Variants in GABRR1 observed in about 807,000 individuals in gnomAD.
The protein encoded by GABRR1 is gamma-aminobutyric acid type A receptor subunit rho1.
Under a neutral mutation model 55.5 loss-of-function variants are expected in GABRR1, and 59 were observed. The observed-to-expected ratio is 1.06, with a 90% CI of 0.86 to 1.32. GABRR1 has a LOEUF of 1.32. GABRR1 is among the 40% of genes most tolerant of loss of function. The pLI is 0.00. For synonymous variants in GABRR1, 213 were observed against 226.0 expected (o/e 0.94, Z 0.51); for missense variants, 602 against 619.1 (o/e 0.97, Z 0.29).
intron 6 of GABRR1, among the ~76,000 whole-genome samples, chr6:89,187,772 T>G (rs915287369): frequency 2.0e-5 from 3 of 152,260 alleles, no homozygotes; most frequent in Non-Finnish European, 2.9e-5. Context: ...CCCTCAAGTT[T>G]CATTCATGCT....
upstream of GABRR1, chr6:89,221,412 A>G (rs915728569): frequency 3.3e-5 from 5 of 152,204 alleles, no homozygotes; most frequent in Admixed American, 1.3e-4. Context: ...TGGGTTTTAC[A>G]TCTGTAGATT....
intron 1 of GABRR1, among the ~76,000 whole-genome samples, chr6:89,230,797 C>T (rs945062194): frequency 3.8e-4 from 58 of 151,846 alleles, no homozygotes; most frequent in Non-Finnish European, 7.4e-4. Flanking sequence ...CCACCCAGTT[C>T]GAGCTTCCCA....
chr6:89,191,162 T>C (rs1354961546), intron 5 of GABRR1, among the ~76,000 whole-genome samples: 3 of 152,260 alleles, frequency 2.0e-5, no homozygotes, highest in Non-Finnish European at 2.9e-5. Flanking sequence ...AATATTTGCC[T>C]CATTTTTTCC....
chr6:89,185,018 G>A (rs761510241), intron 7 of GABRR1, among the ~76,000 whole-genome samples: 5 of 151,404 alleles, frequency 3.3e-5, no homozygotes, highest in Non-Finnish European at 4.4e-5. Flanking sequence ...CCAGATAGCT[G>A]GGACTACAGG....
intron 5 of GABRR1, among the ~76,000 whole-genome samples, chr6:89,197,480 T>G (rs1299190873): frequency 6.6e-6 from 1 of 152,230 alleles, no homozygotes; most frequent in Non-Finnish European, 1.5e-5. Flanking sequence ...CATGAGCAAT[T>G]AAACGTTTTT....
chr6:89,192,093 A>G (rs1772111523), intron 5 of GABRR1, among the ~76,000 whole-genome samples: 1 of 151,872 alleles, frequency 6.6e-6, no homozygotes, highest in Non-Finnish European at 1.5e-5. Context: ...GTTTCTGCCT[A>G]TCTCCGATCT....
chr6:89,197,579 G>T (rs1030824804), intron 5 of GABRR1, among the ~76,000 whole-genome samples: 1 of 152,246 alleles, frequency 6.6e-6, no homozygotes, highest in Non-Finnish European at 1.5e-5. Context: ...GTAGCCGGGG[G>T]TCCCCATAGT....
chr6:89,217,390 T>C, upstream of GABRR1: 1 of 1,546,140 alleles, frequency 6.5e-7, no homozygotes, highest in Non-Finnish European at 8.8e-7. Context: ...TTTTCTCTCT[T>C]AAGACATTAT....
At chr6:89,180,144 T>G (rs1301930600) in intron 9 of GABRR1, 148 bp downstream of exon 9, 1 of 816,150 alleles carries the variant, frequency 1.2e-6, no homozygotes, top group Admixed American at 3.2e-5. Flanking sequence ...ATACACCAAT[T>G]TGTTTGCTCT....
chr6:89,179,214 TTTG>T, intron 9 of GABRR1, 151 bp from the exon 10 acceptor site: 1 of 831,224 alleles, frequency 1.2e-6, no homozygotes, highest in Admixed American at 3.0e-5. Flanking sequence ...TGTTTTTGTT[TTTG>T]TTTTTTTTTT....
At chr6:89,187,208 G>GGTGT (rs752871448) in intron 6 of GABRR1, among the ~76,000 whole-genome samples, 7 of 145,978 alleles carry the variant, frequency 4.8e-5, no homozygotes, top group East Asian at 2.0e-4. Context: ...GTTTCTGGGG[G>GGTGT]GTGTGTGTGT....
chr6:89,209,803 T>G (rs770724019), intron 1 of GABRR1, among the ~76,000 whole-genome samples: 9 of 152,162 alleles, frequency 5.9e-5, no homozygotes, highest in Non-Finnish European at 1.2e-4. Flanking sequence ...CTGTTAACCT[T>G]GGGCAGGTTA....
intron 8 of GABRR1, among the ~76,000 whole-genome samples, chr6:89,181,312 C>G (rs1771711420): frequency 6.6e-6 from 1 of 152,134 alleles, no homozygotes; most frequent in African/African-American, 2.4e-5. Flanking sequence ...CCTGAACTGT[C>G]TGAGCAATGG....
chr6:89,217,939 A>G (rs746180984), upstream of GABRR1, among the ~76,000 whole-genome samples: 10 of 152,142 alleles, frequency 6.6e-5, no homozygotes, highest in Non-Finnish European at 1.3e-4. Context: ...TGGCGCAGAA[A>G]CAAGTAAATT....
At chr6:89,226,206 T>G (rs1773201075) in intron 1 of GABRR1, among the ~76,000 whole-genome samples, 1 of 150,760 alleles carries the variant, frequency 6.6e-6, no homozygotes, top group South Asian at 2.1e-4. Context: ...TTTCTCCCAT[T>G]TTGTAGGTTG....
intron 1 of GABRR1, among the ~76,000 whole-genome samples, chr6:89,209,624 G>T (rs1393029851): frequency 6.6e-6 from 1 of 152,078 alleles, no homozygotes; most frequent in African/African-American, 2.4e-5. Context: ...TTCAACAGGG[G>T]TGAGTCAAGA....
In GABRR1 at chr6:89,226,582, C is replaced by T. The variant is rs574461810; in HGVS notation, c.-411+4634G>A. The stretch of plus-strand genomic sequence containing the variant: ...CAAAGATCAGATAGTTGTAGGTATG[C>T]GGCGTTATTTCTGAGGGCTCTGTTC... On this transcript the variant is annotated intron_variant, in intron 1 of 11. Coordinates refer to the GABRR1 transcript ENST00000369451. 3.5e-3 allele frequency among the ~76,000 whole-genome samples: 500 copies of T among 144,400 alleles called. 3 individuals are homozygous for T. The highest frequency in any genetic ancestry group is 5.1e-3 in the Non-Finnish European group (336 of 65,896). The allele number at this position is 144,400 out of a possible 152,430, so 94.7% of individuals were successfully genotyped here.
chr6:89,203,576 A>G, intron 1 of GABRR1, 91 bp from the exon 2 acceptor site: 1 of 895,848 alleles, frequency 1.1e-6, no homozygotes, highest in Non-Finnish European at 1.9e-6. Flanking sequence ...TTTGCTTCAA[A>G]TCTATCCAGA....
In GABRR1 at chr6:89,203,462, ACTTCTCGT is replaced by A; in HGVS notation, c.138_145del (p.Arg46SerfsTer3). The A allele has an allele frequency of 1.2e-6, 2 of 1,613,448 alleles. No individual in the cohort carries two copies. The highest frequency in any genetic ancestry group is 1.7e-6 in the Non-Finnish European group (2 of 1,179,420). On this transcript the variant is annotated frameshift_variant, in exon 2 of 10. Transcript: ENST00000454853. LOFTEE classifies it high-confidence loss of function. ...GACTTGCTTGTGGGCATCTTCATGT[ACTTCTCGT>A]CTTTGTCTTTGGGGCCTACCATGAA...
Sources: allele counts gnomAD v4.1 joint callset (sites outside exome capture counted in the v4.1 genomes callset), GRCh38; gene constraint gnomAD v4.1.1; transcripts MANE v1.5; gene names NCBI Gene and HGNC (gene_info 2026-07-23, HGNC 2026-07-21).